The following CSNK1G3 variants were observed in gnomAD, a reference collection of about 807,000 sequenced individuals.
CSNK1G3 encodes the protein casein kinase I isoform gamma-3.
Under a neutral mutation model 64.3 loss-of-function variants are expected in CSNK1G3, and 23 were observed. The observed-to-expected ratio is 0.36, with a 90% CI of 0.26 to 0.51. CSNK1G3 has a LOEUF of 0.51. CSNK1G3 is among the 20% of genes least tolerant of loss of function. CSNK1G3 has a pLI of 0.96. For missense variants in CSNK1G3, 357 were observed against 510.5 expected, an observed-to-expected ratio of 0.70 and a Z score of 2.90; for synonymous variants, 158 against 162.2, an observed-to-expected ratio of 0.97 and a Z score of 0.20.
chr5:123,553,255 T>C, intron 3 of CSNK1G3, 108 bp downstream of exon 3: 1 of 556,324 alleles, frequency 1.8e-6, no homozygotes, highest in Non-Finnish European at 3.0e-6. Context: ...TTTGGATGTT[T>C]ATTTGACAGT....
At chr5:123,557,312 G>A (rs920441811) in intron 3 of CSNK1G3, among the ~76,000 whole-genome samples, 183 bp from the exon 4 acceptor site, 4 of 152,060 alleles carry the variant, frequency 2.6e-5, no homozygotes, top group Non-Finnish European at 5.9e-5. Context: ...ATGTACATTT[G>A]TAGTATCATT....
chr5:123,588,104 A>T, exon 7 of CSNK1G3: 1 of 1,597,924 alleles, frequency 6.3e-7, no homozygotes, highest in East Asian at 2.2e-5. Flanking sequence ...GCTTTAGGTC[A>T]TATGTTCATG....
At chr5:123,533,690 A>G (rs1780326805) in intron 1 of CSNK1G3, among the ~76,000 whole-genome samples, 1 of 151,422 alleles carries the variant, frequency 6.6e-6, no homozygotes, top group South Asian at 2.1e-4. Context: ...ATTTTCTTAT[A>G]TATTTATGTG....
rs140371254 is a variant in CSNK1G3, at chr5:123,531,977, A to G, written c.-247-13440A>G. Reference sequence around the variant, plus strand: ...TGCATTTTTCCATTCTCTTCCTGTAATTTTTGAATCTAAAGCTTCTGTGAG... The same window carrying G: ...TGCATTTTTCCATTCTCTTCCTGTAGTTTTTGAATCTAAAGCTTCTGTGAG... On this transcript the variant is annotated intron_variant, in intron 1 of 12. Transcript: ENST00000345990. Among the ~76,000 whole-genome samples the G allele has an allele frequency of 2.6e-4, 40 of 151,798 alleles. No homozygotes were observed. The East Asian group carries it at 7.5e-3, about 29-fold the overall frequency.
intron 6 of CSNK1G3, among the ~76,000 whole-genome samples, chr5:123,581,937 T>A (rs1376158599): frequency 6.6e-6 from 1 of 152,020 alleles, no homozygotes. Flanking sequence ...TTGAGCTGTC[T>A]TGGCTTTGTC....
chr5:123,559,961 AT>A (rs1785362888), intron 4 of CSNK1G3, among the ~76,000 whole-genome samples: 1 of 152,120 alleles, frequency 6.6e-6, no homozygotes, highest in African/African-American at 2.4e-5. Context: ...GCTTGTTAAT[AT>A]TCTCTTTAAA....
chr5:123,574,505 T>C lies in CSNK1G3; in HGVS notation c.438+964T>C, dbSNP rs537579594. Among the ~76,000 whole-genome samples the C allele has an allele frequency of 9.6e-4, 146 of 152,192 alleles. 1 individual carries two copies. Among genetic ancestry groups the C allele is most frequent in the Middle Eastern group, 3.4e-3 (1 of 294 alleles). ...TAATATCCAGAGGAAAATATGCAGCTGTTAAAAAGTGCATATTAAAGATTG... is the reference window on the plus strand; with the variant it reads ...TAATATCCAGAGGAAAATATGCAGCCGTTAAAAAGTGCATATTAAAGATTG... On this transcript the variant is annotated intron_variant, in intron 5 of 12. Coordinates refer to ENST00000345990, the Ensembl canonical transcript of CSNK1G3.
chr5:123,572,049 G>A (rs1788220938), intron 4 of CSNK1G3, among the ~76,000 whole-genome samples: 1 of 152,176 alleles, frequency 6.6e-6, no homozygotes, highest in African/African-American at 2.4e-5. Context: ...TAACAAGAAT[G>A]GCCTCAGTCT....
chr5:123,564,862 T>A (rs1306806820), intron 4 of CSNK1G3, among the ~76,000 whole-genome samples: 7 of 152,186 alleles, frequency 4.6e-5, no homozygotes, highest in Admixed American at 1.3e-4. Flanking sequence ...CACCTGTTGG[T>A]TCATAGCAGC....
chr5:123,561,779 T>A (rs1785776523), intron 4 of CSNK1G3, among the ~76,000 whole-genome samples: 2 of 152,144 alleles, frequency 1.3e-5, no homozygotes. Context: ...CGACAGTTTC[T>A]CTCTCTCTTA....
chr5:123,515,011 C>G (rs1397152428), intron 1 of CSNK1G3, among the ~76,000 whole-genome samples: 1 of 152,050 alleles, frequency 6.6e-6, no homozygotes, highest in Non-Finnish European at 1.5e-5. Flanking sequence ...ATCATTGGCA[C>G]TACTGAAGGA....
chr5:123,600,697 G>T (rs1368936109), intron 10 of CSNK1G3, among the ~76,000 whole-genome samples: 2 of 151,436 alleles, frequency 1.3e-5, no homozygotes, highest in Non-Finnish European at 2.9e-5. Flanking sequence ...CATTATATTT[G>T]GAAAGTACAT....
chr5:123,518,118 A>C (rs1253769801), intron 1 of CSNK1G3, among the ~76,000 whole-genome samples: 2 of 152,178 alleles, frequency 1.3e-5, no homozygotes, highest in African/African-American at 4.8e-5. Flanking sequence ...GCCTTCTTAT[A>C]GTTCCAACAT....
intron 1 of CSNK1G3, among the ~76,000 whole-genome samples, chr5:123,513,183 C>T (rs539162290): frequency 2.9e-4 from 44 of 152,274 alleles, no homozygotes; most frequent in South Asian, 1.0e-3. Context: ...CAAAGGTTAG[C>T]AAAATCACTC....
intron 4 of CSNK1G3, among the ~76,000 whole-genome samples, chr5:123,568,708 T>A (rs1010244057): frequency 1.3e-4 from 20 of 152,196 alleles, no homozygotes; most frequent in African/African-American, 4.8e-4. Context: ...TCTTGTCTCC[T>A]TTGTAAAACT....
chr5:123,616,084 T>C (rs1749401249), exon 13 of CSNK1G3: 1 of 152,042 alleles, frequency 6.6e-6, no homozygotes, highest in African/African-American at 2.4e-5. Flanking sequence ...ATGAATGATC[T>C]TTTTTTTATT....
chr5:123,586,346 T>C (rs1791325868), intron 6 of CSNK1G3, among the ~76,000 whole-genome samples: 1 of 152,150 alleles, frequency 6.6e-6, no homozygotes, highest in Non-Finnish European at 1.5e-5. Context: ...TGCAGGTGTG[T>C]TTGTTGTTAA....
At chr5:123,525,556 A>T (rs1007319996) in intron 1 of CSNK1G3, among the ~76,000 whole-genome samples, 1 of 151,984 alleles carries the variant, frequency 6.6e-6, no homozygotes. Flanking sequence ...CGGCCTCCCA[A>T]AGTGTTGGGA....
intron 1 of CSNK1G3, among the ~76,000 whole-genome samples, chr5:123,513,170 A>C (rs911398017): frequency 2.0e-5 from 3 of 152,154 alleles, no homozygotes; most frequent in African/African-American, 7.2e-5. Flanking sequence ...CCAAGACATT[A>C]GTCAAAGGTT....
Sources: allele counts gnomAD v4.1 joint callset (sites outside exome capture counted in the v4.1 genomes callset), GRCh38; gene constraint gnomAD v4.1.1; transcripts MANE v1.5; gene names NCBI Gene and HGNC (gene_info 2026-07-23, HGNC 2026-07-21).